Variants in GDF3 observed in about 807,000 individuals in gnomAD.
The protein encoded by GDF3 is growth differentiation factor 3, also known as growth/differentiation factor 3.
In GDF3, 10 loss-of-function variants were observed where a neutral mutation model predicts 10.2. The observed-to-expected ratio is 0.98, with a 90% CI of 0.60 to 1.66. The LOEUF (loss-of-function observed/expected upper bound fraction) is 1.66. Ranked by LOEUF, GDF3 falls within the 40% of genes most tolerant of loss-of-function variation. The pLI is 0.00. For missense variants in GDF3, 450 were observed against 438.3 expected (o/e 1.03, Z -0.24); for synonymous variants, 166 against 178.5 (o/e 0.93, Z 0.56).
chr12:7,693,371 ATTTT>A (rs71038719), intron 1 of GDF3, among the ~76,000 whole-genome samples: 1 of 95,962 alleles, frequency 1.0e-5, no homozygotes, highest in Non-Finnish European at 2.0e-5. Flanking sequence ...CACCTGGCTA[ATTTT>A]TTTTTTTTTT....
chr12:7,692,488 C>A (rs1864142635), intron 1 of GDF3, among the ~76,000 whole-genome samples: 1 of 148,750 alleles, frequency 6.7e-6, no homozygotes. Flanking sequence ...GGCCAAAGTC[C>A]AATCATTCAG....
At chr12:7,692,533 G>A (rs187361842) in intron 1 of GDF3, among the ~76,000 whole-genome samples, 2 of 146,974 alleles carry the variant, frequency 1.4e-5, no homozygotes, top group Non-Finnish European at 3.0e-5. Flanking sequence ...TTTCTGAGAC[G>A]GAGTCCTGCT....
chr12:7,695,409 T>A (rs1180328460), intron 1 of GDF3, 52 bp downstream of exon 1: 1 of 1,550,822 alleles, frequency 6.4e-7, no homozygotes, highest in East Asian at 2.2e-5. Flanking sequence ...CTTTCCTTTC[T>A]TCACACCACC....
chr12:7,690,368 A>G lies in GDF3; in HGVS notation c.605T>C (p.Leu202Pro). The G allele has an allele frequency of 6.2e-7, 1 of 1,614,122 alleles. No individual in the cohort carries two copies. Among genetic ancestry groups the G allele is most frequent in the Non-Finnish European group, 8.5e-7 (1 of 1,179,986 alleles). The change falls in exon 2 of 2, where the codon CTG becomes CCG. Residue 202 changes from leucine (L) to proline (P), a missense_variant. By Grantham distance (98) the Leu-to-Pro change is moderately conservative (BLOSUM62 -3). Coordinates refer to ENST00000329913, the MANE Select transcript of GDF3 (RefSeq NM_020634.3). ...TCTATCTTCTTTGACCAGTATCTCC[A>G]GGAATAACCCGAAATTTTTCCGGGG... Reference protein sequence around the residue: ...DNPRKNFGLFLEILVKEDRDS... With the variant: ...DNPRKNFGLFPEILVKEDRDS...
At chr12:7,694,245 G>A (rs1864159663) in intron 1 of GDF3, among the ~76,000 whole-genome samples, 1 of 152,104 alleles carries the variant, frequency 6.6e-6, no homozygotes, top group South Asian at 2.1e-4. Flanking sequence ...TGGAGGAGCA[G>A]TACGACTCAA....
At chr12:7,695,028 C>G (rs962414707) in intron 1 of GDF3, among the ~76,000 whole-genome samples, 2 of 152,146 alleles carry the variant, frequency 1.3e-5, no homozygotes, top group Non-Finnish European at 2.9e-5. Context: ...GGAAGCAGGA[C>G]TCCTGGGCAA....
At chr12:7,691,972 A>C (rs1231844912) in intron 1 of GDF3, among the ~76,000 whole-genome samples, 1 of 152,012 alleles carries the variant, frequency 6.6e-6, no homozygotes, top group Non-Finnish European at 1.5e-5. Flanking sequence ...ACGCCACTGC[A>C]CTCCAGCCTG....
rs1415397409 is a variant in GDF3, at chr12:7,695,679, G to A, written c.50C>T (p.Ala17Val). The change falls in exon 1 of 2, where the codon GCT becomes GTT. Residue 17 changes from alanine to valine, a missense_variant. By Grantham distance (64) the Ala-to-Val change is moderately conservative. Coordinates refer to ENST00000329913, the MANE Select transcript of GDF3 (RefSeq NM_020634.3). Reference sequence around the variant, plus strand: ...TTGAAATTGGACTGCCTGGCCCAAAGCCAGAATTAACAGGAAGCTGAAAGC... The same window carrying A: ...TTGAAATTGGACTGCCTGGCCCAAAACCAGAATTAACAGGAAGCTGAAAGC... Reference protein sequence around the residue: ...DLAFSFLLILALGQAVQFQEY... With the variant: ...DLAFSFLLILVLGQAVQFQEY... 6.2e-7 allele frequency: 1 copy of A among 1,614,154 alleles called. No homozygotes were observed. The highest frequency in any genetic ancestry group is 8.5e-7 in the Non-Finnish European group (1 of 1,180,016).
chr12:7,690,644 T>C lies in GDF3; in HGVS notation c.329A>G (p.Tyr110Cys). The C allele has an allele frequency of 1.2e-6, 2 of 1,612,334 alleles. No individual in the cohort carries two copies. The highest frequency in any genetic ancestry group is 1.7e-6 in the Non-Finnish European group (2 of 1,179,454). ...QASSCLQKLLYFNLSAIKERE... is the reference protein window; with the variant it reads ...QASSCLQKLLCFNLSAIKERE... Reference sequence around the variant, plus strand: ...TTCTTTGATGGCAGACAGGTTAAAGTAGAGGAGCTTCTGCAGGCAGGAGGA... The same window carrying C: ...TTCTTTGATGGCAGACAGGTTAAAGCAGAGGAGCTTCTGCAGGCAGGAGGA... Residue 110 changes from tyrosine to cysteine, a missense_variant, in exon 2 of 2, where the codon TAC becomes TGC. Transcript: ENST00000329913.
In GDF3 at chr12:7,690,435, G is replaced by C; in HGVS notation, c.538C>G (p.His180Asp). ...TTAGCTACATCCAGCAGGTTGAAGT[G>C]AACAGCACCTTGTGGCCATGGGACT... ...RSVPWPQGAVHFNLLDVAKDW... is the reference protein window; with the variant it reads ...RSVPWPQGAVDFNLLDVAKDW... The change falls in exon 2 of 2, where the codon CAC becomes GAC. Residue 180 changes from histidine (H) to aspartate (D), a missense_variant. By Grantham distance (81) the His-to-Asp change is moderately conservative (BLOSUM62 -1). Transcript: ENST00000329913. 1 of 1,614,094 alleles carries C rather than the reference G, an allele frequency of 6.2e-7. No homozygotes were observed. The highest frequency in any genetic ancestry group is 8.5e-7 in the Non-Finnish European group (1 of 1,180,004).
At position 7,690,376 on chromosome 12, in the gene GDF3, C is replaced by T. The variant is rs758597222; in HGVS notation, c.597G>A (p.Gly199=). The change falls in exon 2 of 2, where the codon GGG becomes GGA. Residue 199 remains glycine, a synonymous_variant. Transcript: ENST00000329913. ...CTTTGACCAGTATCTCCAGGAATAA[C>T]CCGAAATTTTTCCGGGGGTTGTCAT... ...DWNDNPRKNF[G]LFLEILVKED... 5.0e-6 allele frequency: 8 copies of T among 1,613,962 alleles called. No individual in the cohort carries two copies. The African/African-American group carries it at 1.1e-4, about 22-fold the overall frequency.
rs145849916 is a variant in GDF3 at position 7,690,464 on chromosome 12, C to A, written c.509G>T (p.Arg170Leu). 3 of 1,613,910 alleles carry A rather than the reference C, an allele frequency of 1.9e-6. No individual in the cohort carries two copies. In the African/African-American group the frequency reaches 4.0e-5, roughly 22 times the overall value. Residue 170 changes from arginine to leucine, a missense_variant, in exon 2 of 2, where the codon CGG becomes CTG. Coordinates refer to ENST00000329913, the MANE Select transcript of GDF3 (RefSeq NM_020634.3). ...TPKPGKMFVL[R>L]SVPWPQGAVH... is the part of the protein sequence containing the mutation. ...AGCACCTTGTGGCCATGGGACTGACCGCAACACAAACATTTTACCTGGCTT... is the reference window on the plus strand; with the variant it reads ...AGCACCTTGTGGCCATGGGACTGACAGCAACACAAACATTTTACCTGGCTT...
Position 7,689,931 on chromosome 12 carries a change from C to T in GDF3, c.1042G>A (p.Val348Ile). 1 of 1,613,936 alleles carries T rather than the reference C, an allele frequency of 6.2e-7. No homozygotes were observed. Among genetic ancestry groups the T allele is most frequent in the Non-Finnish European group, 8.5e-7 (1 of 1,179,826 alleles). ...SMLYQDNNDN[V>I]ILRHYEDMVV... is the part of the protein sequence containing the mutation. ...ATGTCTTCATAATGTCGTAGAATGACATTGTCATTATTGTCCTGGTAGAGC... is the reference window on the plus strand; with the variant it reads ...ATGTCTTCATAATGTCGTAGAATGATATTGTCATTATTGTCCTGGTAGAGC... Residue 348 changes from valine to isoleucine, a missense_variant, in exon 2 of 2, where the codon GTC (valine) becomes ATC (isoleucine). Coordinates refer to ENST00000329913, the MANE Select transcript of GDF3 (RefSeq NM_020634.3).
At position 7,690,466 on chromosome 12, in the gene GDF3, C is replaced by A. The variant is rs751671561; in HGVS notation, c.507G>T (p.Leu169Phe). The change falls in exon 2 of 2, where the codon TTG becomes TTT. Residue 169 changes from leucine to phenylalanine, a missense_variant. Transcript: ENST00000329913. Reference sequence around the variant, plus strand: ...CACCTTGTGGCCATGGGACTGACCGCAACACAAACATTTTACCTGGCTTAG... The same window carrying A: ...CACCTTGTGGCCATGGGACTGACCGAAACACAAACATTTTACCTGGCTTAG... ...TTPKPGKMFVLRSVPWPQGAV... is the reference protein window; with the variant it reads ...TTPKPGKMFVFRSVPWPQGAV... 1.9e-6 allele frequency: 3 copies of A among 1,614,080 alleles called. No homozygotes were observed. The highest frequency in any genetic ancestry group is 2.2e-5 in the South Asian group (2 of 91,078).
At chr12:7,691,451 A>C (rs1206632389) in intron 1 of GDF3, among the ~76,000 whole-genome samples, 1 of 151,962 alleles carries the variant, frequency 6.6e-6, no homozygotes, top group Non-Finnish European at 1.5e-5. Flanking sequence ...TCATGCCTGT[A>C]ATCCCAGCAC....
chr12:7,694,345 C>T (rs1441825772), intron 1 of GDF3, among the ~76,000 whole-genome samples: 1 of 151,854 alleles, frequency 6.6e-6, no homozygotes, highest in Non-Finnish European at 1.5e-5. Flanking sequence ...GGCGGATCAC[C>T]TGAAGTCAGG....
In GDF3 at chr12:7,690,103, T is replaced by G. The variant is rs1864109533; in HGVS notation, c.870A>C (p.Ala290=). The part of the protein sequence containing the change: ...KWIIAPKGFM[A]NYCHGECPFS... ...AGGGACACTCTCCATGGCAGTAATT[T>G]GCCATGAACCCCTTGGGGGCAATGA... is the stretch of plus-strand genomic sequence containing the variant. Residue 290 remains alanine, a synonymous_variant, in exon 2 of 2, where the codon GCA becomes GCC. Coordinates refer to ENST00000329913, the MANE Select transcript of GDF3 (RefSeq NM_020634.3). 1.2e-6 allele frequency: 2 copies of G among 1,613,986 alleles called. No individual in the cohort carries two copies.
At chr12:7,695,294 GATA>G (rs2136879444) in intron 1 of GDF3, among the ~76,000 whole-genome samples, 164 bp downstream of exon 1, 1 of 152,300 alleles carries the variant, frequency 6.6e-6, no homozygotes, top group African/African-American at 2.4e-5. Context: ...TTAGGAACTT[GATA>G]AGAATATCTA....
rs1864110226 is a variant in GDF3, at chr12:7,690,164, A to G, written c.809T>C (p.Phe270Ser). 6.2e-7 allele frequency: 1 copy of G among 1,614,032 alleles called. No homozygotes were observed. Among genetic ancestry groups the G allele is most frequent in the African/African-American group, 1.3e-5 (1 of 74,912 alleles). The change falls in exon 2 of 2, where the codon TTC (phenylalanine) becomes TCC (serine). Residue 270 changes from phenylalanine (F) to serine (S), a missense_variant. Phe to Ser is a radical substitution (Grantham distance 155, BLOSUM62 -2). Coordinates refer to ENST00000329913, the MANE Select transcript of GDF3 (RefSeq NM_020634.3). ...CCAACCCAGGTCCCGGAAGTTAATG[A>G]ATAGCTGGTGACGGTGGCAGAGGTT... ...CKNLCHRHQL[F>S]INFRDLGWHK...
Sources: gnomAD v4.1 joint callset for allele counts (sites outside exome capture counted in the v4.1 genomes callset) on GRCh38, gnomAD v4.1.1 for gene constraint, MANE v1.5 for transcripts, NCBI Gene and HGNC (gene_info 2026-07-23, HGNC 2026-07-21) for gene names.